Variants in PTK2B observed in about 807,000 individuals in gnomAD.
PTK2B encodes the protein protein-tyrosine kinase 2-beta.
PTK2B carries 71 observed loss-of-function variants against 142.9 expected under a neutral mutation model. The ratio of observed to expected loss-of-function variants is 0.50; its 90% CI spans 0.41 to 0.61. The LOEUF (loss-of-function observed/expected upper bound fraction) is 0.61. PTK2B is among the 20% of genes least tolerant of loss of function. PTK2B has a pLI of 0.00. For synonymous variants in PTK2B, 519 were observed against 503.4 expected, an observed-to-expected ratio of 1.03 and a Z score of -0.42; for missense variants, 1,105 against 1,320.4, an observed-to-expected ratio of 0.84 and a Z score of 2.53.
intron 3 of PTK2B, 72 bp from the exon 4 acceptor site, chr8:27,420,585 C>A: frequency 7.0e-7 from 1 of 1,438,388 alleles, no homozygotes; most frequent in Non-Finnish European, 9.8e-7. Context: ...TTGCTTCTGC[C>A]CTTGGGGTCC....
At chr8:27,316,924 A>T (rs937237523) in intron 3 of PTK2B, among the ~76,000 whole-genome samples, 12 of 152,234 alleles carry the variant, frequency 7.9e-5, no homozygotes, top group African/African-American at 2.7e-4. Context: ...GATAAAATGC[A>T]ACATAAAATG....
chr8:27,331,166 G>GGAC (rs1304813074), intron 1 of PTK2B, among the ~76,000 whole-genome samples: 17 of 152,172 alleles, frequency 1.1e-4, no homozygotes, highest in African/African-American at 3.6e-4. Context: ...CACATCTCCT[G>GGAC]CATTTGTCTT....
Position 27,430,952 on chromosome 8 carries a change from A to G in PTK2B, c.746A>G (p.Lys249Arg), listed in dbSNP as rs750322383. ...ASLREEECVM[K>R]FFNTLAGFAN... ...CTCAGGGAGGAGGAGTGCGTCATGA[A>G]GTTCTTCAACACTCTCGCCGGCTTC... Residue 249 changes from lysine (K) to arginine (R), a missense_variant, in exon 8 of 31, where the codon AAG (lysine) becomes AGG (arginine). By Grantham distance (26) the Lys-to-Arg change is conservative. Coordinates refer to ENST00000346049, the MANE Select transcript of PTK2B (RefSeq NM_173176.3). 1.1e-5 allele frequency: 18 copies of G among 1,614,198 alleles called. No homozygotes were observed. Among genetic ancestry groups the G allele is most frequent in the Non-Finnish European group, 1.4e-5 (16 of 1,180,032 alleles).
intron 22 of PTK2B, among the ~76,000 whole-genome samples, 161 bp from the exon 23 acceptor site, chr8:27,444,045 C>T (rs541191131): frequency 4.5e-4 from 68 of 152,336 alleles, no homozygotes; most frequent in Non-Finnish European, 8.1e-4. Context: ...ATAATCAGTG[C>T]TCAATAAATG....
intron 5 of PTK2B, among the ~76,000 whole-genome samples, chr8:27,428,206 G>A (rs1421388129): frequency 6.6e-6 from 1 of 152,152 alleles, no homozygotes; most frequent in East Asian, 1.9e-4. Context: ...GATCTGACAG[G>A]AGATGGAGCT....
At chr8:27,398,961 A>C (rs947795005) in intron 2 of PTK2B, among the ~76,000 whole-genome samples, 1 of 152,172 alleles carries the variant, frequency 6.6e-6, no homozygotes, top group Non-Finnish European at 1.5e-5. Flanking sequence ...GTTTCCTGTA[A>C]CTGATTTGAT....
chr8:27,430,240 C>G (rs1810325191), intron 6 of PTK2B, 85 bp downstream of exon 6: 1 of 1,577,664 alleles, frequency 6.3e-7, no homozygotes. Flanking sequence ...CACCCCTCCC[C>G]AGACCAGAGC....
chr8:27,397,344 C>A, intron 1 of PTK2B: 1 of 541,788 alleles, frequency 1.8e-6, no homozygotes, highest in Admixed American at 3.2e-5. Context: ...GGGTTTCATA[C>A]CTGGATGCTT....
At chr8:27,329,225 C>G (rs189404707) in intron 1 of PTK2B, among the ~76,000 whole-genome samples, 11 of 152,150 alleles carry the variant, frequency 7.2e-5, no homozygotes, top group African/African-American at 2.7e-4. Flanking sequence ...TGTGAGCCAC[C>G]GCGTCTGGCT....
chr8:27,356,213 G>T (rs1805383667), intron 1 of PTK2B, among the ~76,000 whole-genome samples: 1 of 152,074 alleles, frequency 6.6e-6, no homozygotes, highest in South Asian at 2.1e-4. Context: ...CGCAGGTTGG[G>T]GTGGCCTGTA....
intron 1 of PTK2B, among the ~76,000 whole-genome samples, chr8:27,391,080 C>CTTTT (rs34857478): frequency 7.0e-6 from 1 of 142,536 alleles, no homozygotes. Flanking sequence ...GGAACAGAAC[C>CTTTT]TTTTTTTTTT....
chr8:27,449,456 T>C (rs1234651139), intron 24 of PTK2B, among the ~76,000 whole-genome samples: 1 of 152,246 alleles, frequency 6.6e-6, no homozygotes, highest in African/African-American at 2.4e-5. Flanking sequence ...GAGGAAACTC[T>C]TTTAAGAGGC....
chr8:27,381,650 C>T (rs1298026806), intron 1 of PTK2B, among the ~76,000 whole-genome samples: 1 of 152,076 alleles, frequency 6.6e-6, no homozygotes, highest in Non-Finnish European at 1.5e-5. Flanking sequence ...ATTTAATTTC[C>T]TCTGGAAAAA....
chr8:27,432,469 C>T, intron 10 of PTK2B, 108 bp downstream of exon 10: 1 of 987,632 alleles, frequency 1.0e-6, no homozygotes, highest in East Asian at 2.6e-5. Context: ...AAGCCAGGAG[C>T]TTCCTGGCTT....
At chr8:27,442,481 A>G (rs1811211868) in intron 21 of PTK2B, among the ~76,000 whole-genome samples, 1 of 152,154 alleles carries the variant, frequency 6.6e-6, no homozygotes, top group African/African-American at 2.4e-5. Context: ...GGAGATGTAG[A>G]TTCTAGGCCA....
intron 1 of PTK2B, among the ~76,000 whole-genome samples, chr8:27,328,533 C>G (rs1031827492): frequency 6.6e-6 from 1 of 152,174 alleles, no homozygotes; most frequent in African/African-American, 2.4e-5. Flanking sequence ...ATCTCCCCAT[C>G]CCCCTGTGAT....
At chr8:27,420,206 A>G in intron 3 of PTK2B, 133 bp downstream of exon 3, 3 of 1,065,494 alleles carry the variant, frequency 2.8e-6, no homozygotes, top group Non-Finnish European at 4.1e-6. Flanking sequence ...TTCTAGGCTT[A>G]GTCTTCCTCC....
intron 18 of PTK2B, among the ~76,000 whole-genome samples, chr8:27,438,197 C>T (rs1810914699): frequency 6.6e-6 from 1 of 152,238 alleles, no homozygotes; most frequent in African/African-American, 2.4e-5. Flanking sequence ...AGCTTGCTCA[C>T]CTCCAGCTCC....
chr8:27,338,640 G>A (rs764056871), intron 1 of PTK2B, among the ~76,000 whole-genome samples: 14 of 152,174 alleles, frequency 9.2e-5, no homozygotes, highest in South Asian at 2.1e-4. Flanking sequence ...AGTAACCTTT[G>A]TAAGCATCCC....
Sources: gnomAD v4.1 joint callset for allele counts (sites outside exome capture counted in the v4.1 genomes callset) on GRCh38, gnomAD v4.1.1 for gene constraint, MANE v1.5 for transcripts, NCBI Gene and HGNC (gene_info 2026-07-23, HGNC 2026-07-21) for gene names.